The following FER variants were observed in gnomAD, a reference collection of about 807,000 sequenced individuals.
FER encodes the protein FER tyrosine kinase.
A neutral mutation model predicts 111.0 loss-of-function variants in FER; 63 were observed. The ratio of observed to expected loss-of-function variants is 0.57; its 90% CI spans 0.46 to 0.70. The LOEUF (loss-of-function observed/expected upper bound fraction) is 0.70, where lower values mean the gene tolerates loss of function less well. FER is among the 30% of genes least tolerant of loss of function. FER has a pLI of 0.00. For missense variants in FER, 914 were observed against 954.0 expected (o/e 0.96, Z 0.55); for synonymous variants, 327 against 313.9 (o/e 1.04, Z -0.44).
At chr5:108,849,251 T>C (rs1399021590) in intron 5 of FER, among the ~76,000 whole-genome samples, 2 of 152,166 alleles carry the variant, frequency 1.3e-5, no homozygotes, top group African/African-American at 4.8e-5. Flanking sequence ...TCTCCCCTTC[T>C]CTTTTTGCTT....
chr5:108,998,005 A>C (rs1345923277), intron 13 of FER, among the ~76,000 whole-genome samples: 1 of 151,844 alleles, frequency 6.6e-6, no homozygotes, highest in Non-Finnish European at 1.5e-5. Flanking sequence ...CCAGCATCCC[A>C]GGTCGACCTC....
At chr5:108,926,038 ATATT>A (rs1407780377) in intron 10 of FER, among the ~76,000 whole-genome samples, 9 of 150,994 alleles carry the variant, frequency 6.0e-5, no homozygotes, top group Admixed American at 5.3e-4. Flanking sequence ...TCTCTGATAT[ATATT>A]CTTTTATGAT....
chr5:108,977,025 T>A (rs547787033), intron 13 of FER, among the ~76,000 whole-genome samples: 10 of 152,346 alleles, frequency 6.6e-5, no homozygotes, highest in African/African-American at 1.9e-4. Context: ...CTTTTTACTG[T>A]GATAGAGTTT....
At chr5:108,800,344 G>T (rs1048588520) in intron 3 of FER, among the ~76,000 whole-genome samples, 11 of 151,982 alleles carry the variant, frequency 7.2e-5, no homozygotes, top group Non-Finnish European at 1.5e-4. Flanking sequence ...CAAGGAGTAT[G>T]TCAGCCTTTC....
intron 2 of FER, among the ~76,000 whole-genome samples, chr5:108,786,490 A>C (rs191738101): frequency 4.6e-5 from 7 of 152,086 alleles, no homozygotes; most frequent in Admixed American, 1.3e-4. Context: ...GATATGTTTA[A>C]ATTTTTGTTT....
chr5:108,792,843 T>C (rs1236673633), intron 2 of FER, among the ~76,000 whole-genome samples: 1 of 152,062 alleles, frequency 6.6e-6, no homozygotes, highest in Admixed American at 6.5e-5. Context: ...ATATTGACCT[T>C]GTACCCTGTA....
At chr5:109,025,710 G>A (rs538659186) in intron 13 of FER, among the ~76,000 whole-genome samples, 125 of 151,824 alleles carry the variant, frequency 8.2e-4, no homozygotes, top group African/African-American at 2.9e-3. Flanking sequence ...GTTTTCAAAG[G>A]GAATGCTTCT....
chr5:109,187,589 C>T lies in FER; in HGVS notation c.*14C>T. The T allele has an allele frequency of 1.9e-6, 3 of 1,613,910 alleles. No homozygotes were observed. In the East Asian group the frequency reaches 6.7e-5, roughly 36 times the overall value. ...AAACTCACATAGTGACAGGATGGCG[C>T]CAAACTCAGCCTTCAGGACTCTGTC... On this transcript the variant is annotated 3_prime_UTR_variant, in exon 20 of 20. Transcript: ENST00000281092.
Position 109,191,815 on chromosome 5 carries a change from A to C in FER, c.*4240A>C, listed in dbSNP as rs1759402665. On this transcript the variant is annotated 3_prime_UTR_variant, in exon 20 of 20. Transcript: ENST00000281092. ...AGTCTGAATACTATATTTTGGAAGAATCCAAAACCACATATGAAGATACTG... is the reference window on the plus strand; with the variant it reads ...AGTCTGAATACTATATTTTGGAAGACTCCAAAACCACATATGAAGATACTG... The C allele has an allele frequency of 6.6e-6, 1 of 152,236 alleles. No homozygotes were observed. The highest frequency in any genetic ancestry group is 2.4e-5 in the African/African-American group (1 of 41,544). The allele number at this position is 152,236 out of a possible 1,614,324, so 9.4% of individuals were successfully genotyped here. A position where few individuals can be genotyped will look rare whatever the true frequency, so the allele number is the denominator to read the frequency against.
chr5:109,022,231 A>G (rs73780405), intron 13 of FER, among the ~76,000 whole-genome samples: 9,800 of 152,066 alleles, frequency 0.064, 407 homozygotes, highest in South Asian at 0.12. Flanking sequence ...ACTGAAGTCT[A>G]TTGTCTCAAG....
At chr5:109,157,605 A>G (rs923168103) in intron 17 of FER, among the ~76,000 whole-genome samples, 3 of 151,756 alleles carry the variant, frequency 2.0e-5, no homozygotes, top group African/African-American at 4.8e-5. Flanking sequence ...TAGATTTCCT[A>G]TTGTGAGGAT....
intron 13 of FER, among the ~76,000 whole-genome samples, chr5:108,979,695 T>C (rs943161703): frequency 1.3e-5 from 2 of 152,112 alleles, no homozygotes. Flanking sequence ...ATAATTCATC[T>C]TGTGAGCCAA....
At chr5:109,138,770 A>C (rs1303512605) in intron 17 of FER, among the ~76,000 whole-genome samples, 1 of 152,354 alleles carries the variant, frequency 6.6e-6, no homozygotes, top group Admixed American at 6.5e-5. Flanking sequence ...TATTACAGCT[A>C]TTCCAGAAAG....
chr5:108,795,360 C>A (rs900185902), intron 2 of FER, among the ~76,000 whole-genome samples: 17 of 149,494 alleles, frequency 1.1e-4, no homozygotes, highest in African/African-American at 4.2e-4. Flanking sequence ...TTTTCTAGTT[C>A]TTGTAGGCAT....
chr5:108,866,626 A>T (rs771655357), intron 5 of FER, among the ~76,000 whole-genome samples: 5 of 152,062 alleles, frequency 3.3e-5, no homozygotes, highest in Non-Finnish European at 7.4e-5. Context: ...CTTGACACCA[A>T]TGAATCTCAA....
At chr5:109,122,513 T>C (rs950528372) in intron 17 of FER, among the ~76,000 whole-genome samples, 2 of 129,490 alleles carry the variant, frequency 1.5e-5, no homozygotes, top group Non-Finnish European at 3.4e-5. Flanking sequence ...GAATGATCCA[T>C]GTGCTGAGAA....
chr5:108,840,524 A>G (rs1326990545), intron 5 of FER, among the ~76,000 whole-genome samples: 1 of 147,956 alleles, frequency 6.8e-6, no homozygotes, highest in African/African-American at 2.5e-5. Flanking sequence ...CTTTTTACTC[A>G]TGACTTTTTT....
intron 16 of FER, among the ~76,000 whole-genome samples, chr5:109,091,491 A>T (rs1746752695): frequency 6.6e-6 from 1 of 152,184 alleles, no homozygotes. Context: ...GCCTTGACAG[A>T]TAACTGCCGC....
intron 13 of FER, among the ~76,000 whole-genome samples, chr5:109,028,767 C>G (rs1460285855): frequency 6.6e-6 from 1 of 152,210 alleles, no homozygotes; most frequent in East Asian, 1.9e-4. Flanking sequence ...GCTTTCTTGC[C>G]CTATTTATAG....
Sources: gnomAD v4.1 joint callset for allele counts (sites outside exome capture counted in the v4.1 genomes callset) on GRCh38, gnomAD v4.1.1 for gene constraint, MANE v1.5 for transcripts, NCBI Gene and HGNC (gene_info 2026-07-23, HGNC 2026-07-21) for gene names.